SAMD3: variants seen among roughly 807,000 people sequenced by gnomAD.
SAMD3 encodes the protein sterile alpha motif domain containing 3.
A neutral mutation model predicts 58.5 loss-of-function variants in SAMD3; 63 were observed. That is an observed-to-expected ratio of 1.08 (90% CI 0.88 to 1.33). SAMD3 has a LOEUF of 1.33. Ranked by LOEUF, SAMD3 falls within the 40% of genes most tolerant of loss-of-function variation. SAMD3 has a pLI of 0.00. For missense variants in SAMD3, 604 were observed against 608.4 expected (o/e 0.99, Z 0.08); for synonymous variants, 220 against 210.3 (o/e 1.05, Z -0.40).
intron 9 of SAMD3, 47 bp downstream of exon 9, chr6:130,154,778 G>T: frequency 1.1e-6 from 1 of 873,440 alleles, no homozygotes; most frequent in Non-Finnish European, 1.8e-6. Context: ...GTGTGTGTGT[G>T]TATATACATA....
At position 130,144,765 on chromosome 6, in the gene SAMD3, A is replaced by G. The variant is rs767522692; in HGVS notation, c.1318T>C (p.Phe440Leu). Residue 440 changes from phenylalanine to leucine, a missense_variant, in exon 12 of 12, where the codon TTC becomes CTC. By Grantham distance (22) the Phe-to-Leu change is conservative (BLOSUM62 0). Coordinates refer to ENST00000439090, the MANE Select transcript of SAMD3 (RefSeq NM_001017373.4). ...GAAAATTCGCAGACCTCCATGTTGAAAGGGTTTTTAACTTCCAACACAGGT... is the reference window on the plus strand; with the variant it reads ...GAAAATTCGCAGACCTCCATGTTGAGAGGGTTTTTAACTTCCAACACAGGT... ...STPVLEVKNP[F>L]NMEVCEFSLY... The G allele has an allele frequency of 3.3e-5, 53 of 1,613,888 alleles. No homozygotes were observed. The highest frequency in any genetic ancestry group is 4.4e-5 in the Non-Finnish European group (52 of 1,179,986).
intron 2 of SAMD3, among the ~76,000 whole-genome samples, chr6:130,266,476 G>C (rs151248546): frequency 6.4e-4 from 98 of 152,298 alleles, no homozygotes; most frequent in African/African-American, 2.3e-3. Flanking sequence ...CAAGAGTAGG[G>C]AAGGACTTCA....
At chr6:130,266,715 C>T (rs1384684654) in intron 2 of SAMD3, among the ~76,000 whole-genome samples, 1 of 152,134 alleles carries the variant, frequency 6.6e-6, no homozygotes, top group Non-Finnish European at 1.5e-5. Flanking sequence ...GACCAGTAGG[C>T]AGGTAGTTGT....
At chr6:130,290,466 T>C (rs1041892502) in intron 2 of SAMD3, among the ~76,000 whole-genome samples, 1 of 152,228 alleles carries the variant, frequency 6.6e-6, no homozygotes. Context: ...GTTTACCTTT[T>C]AAATGTTAAT....
chr6:130,184,682 A>G, intron 5 of SAMD3, 59 bp from the exon 6 acceptor site: 1 of 1,396,656 alleles, frequency 7.2e-7, no homozygotes, highest in South Asian at 1.3e-5. Context: ...CAGTTTATTA[A>G]TTTGCTACAT....
At chr6:130,256,668 C>A (rs1773937169) in intron 2 of SAMD3, among the ~76,000 whole-genome samples, 2 of 152,130 alleles carry the variant, frequency 1.3e-5, no homozygotes, top group East Asian at 3.9e-4. Context: ...TCCCAATGCT[C>A]ATGGAAACAG....
chr6:130,338,587 A>G (rs1032293440), intron 1 of SAMD3, among the ~76,000 whole-genome samples: 1 of 152,198 alleles, frequency 6.6e-6, no homozygotes, highest in Non-Finnish European at 1.5e-5. Flanking sequence ...CTATAGACCC[A>G]CAGGGGCACA....
intron 5 of SAMD3, among the ~76,000 whole-genome samples, chr6:130,187,823 C>T (rs1001000071): frequency 1.3e-5 from 2 of 152,174 alleles, no homozygotes; most frequent in African/African-American, 4.8e-5. Flanking sequence ...CAGAACCAGG[C>T]TCTTCGACAA....
intron 2 of SAMD3, among the ~76,000 whole-genome samples, chr6:130,272,893 A>G (rs1774617343): frequency 6.6e-6 from 1 of 152,104 alleles, no homozygotes; most frequent in Non-Finnish European, 1.5e-5. Context: ...GATTGGGAAG[A>G]CCAGAATGAC....
chr6:130,326,796 C>T (rs1476312115), intron 1 of SAMD3, among the ~76,000 whole-genome samples: 5 of 152,144 alleles, frequency 3.3e-5, no homozygotes, highest in Non-Finnish European at 5.9e-5. Flanking sequence ...GTACTAGTCC[C>T]ATAGAGGATA....
At chr6:130,269,449 T>C (rs1774479515) in intron 2 of SAMD3, among the ~76,000 whole-genome samples, 1 of 152,168 alleles carries the variant, frequency 6.6e-6, no homozygotes, top group Admixed American at 6.5e-5. Context: ...CAGGAGTTTG[T>C]GATTTTTGAG....
Position 130,341,639 on chromosome 6 carries a change from G to C in SAMD3, c.-304+23481C>G, listed in dbSNP as rs117349528. The stretch of plus-strand genomic sequence containing the variant: ...TGACAATGAGGAGTGGCTTTCATCT[G>C]TCAGTATGTAAGGATGTGGATGACA... On this transcript the variant is annotated intron_variant, in intron 1 of 13. Transcript: ENST00000368134. Among the ~76,000 whole-genome samples, 36 of 152,334 alleles carry C rather than the reference G, an allele frequency of 2.4e-4. No homozygotes were observed. In the East Asian group the frequency reaches 6.4e-3, roughly 27 times the overall value.
At chr6:130,306,265 A>T (rs1296948305) in intron 2 of SAMD3, among the ~76,000 whole-genome samples, 9 of 152,202 alleles carry the variant, frequency 5.9e-5, no homozygotes, top group Non-Finnish European at 1.2e-4. Flanking sequence ...AAAATATAGG[A>T]TCATTTTAGA....
At chr6:130,159,248 A>G (rs1422622626) in intron 8 of SAMD3, among the ~76,000 whole-genome samples, 1 of 152,194 alleles carries the variant, frequency 6.6e-6, no homozygotes, top group East Asian at 1.9e-4. Context: ...TTCTCTGCAC[A>G]AGCTCTCTGT....
chr6:130,223,835 GT>G (rs1796305867), upstream of SAMD3, among the ~76,000 whole-genome samples: 1 of 152,168 alleles, frequency 6.6e-6, no homozygotes, highest in Non-Finnish European at 1.5e-5. Context: ...CAGTGGGAGT[GT>G]GTTACAGTGC....
intron 2 of SAMD3, among the ~76,000 whole-genome samples, chr6:130,285,708 C>T (rs1184277181): frequency 6.6e-6 from 1 of 152,206 alleles, no homozygotes; most frequent in African/African-American, 2.4e-5. Flanking sequence ...TTACTTGAAG[C>T]CAATAGCATC....
intron 2 of SAMD3, among the ~76,000 whole-genome samples, chr6:130,294,747 G>A (rs912947183): frequency 1.3e-5 from 2 of 151,296 alleles, no homozygotes; most frequent in African/African-American, 4.9e-5. Flanking sequence ...ATGCCTCCAA[G>A]TCCTTCATCT....
chr6:130,302,160 GA>G (rs1775768549), intron 2 of SAMD3, among the ~76,000 whole-genome samples: 1 of 151,996 alleles, frequency 6.6e-6, no homozygotes, highest in African/African-American at 2.4e-5. Context: ...ACAATCAATA[GA>G]ATAAACAGAC....
chr6:130,342,755 T>C (rs1393907697), intron 1 of SAMD3, among the ~76,000 whole-genome samples: 3 of 152,230 alleles, frequency 2.0e-5, no homozygotes, highest in Non-Finnish European at 4.4e-5. Flanking sequence ...ATTTAATTGA[T>C]TTTAACTGTT....
Sources: allele counts gnomAD v4.1 joint callset (sites outside exome capture counted in the v4.1 genomes callset), GRCh38; gene constraint gnomAD v4.1.1; transcripts MANE v1.5; gene names NCBI Gene and HGNC (gene_info 2026-07-23, HGNC 2026-07-21).